The following THSD7A variants were observed in gnomAD, a reference collection of about 807,000 sequenced individuals.
THSD7A encodes the protein thrombospondin type 1 domain containing 7A, also known as thrombospondin type-1 domain-containing protein 7A.
In THSD7A, 96 loss-of-function variants were observed where a neutral mutation model predicts 231.3. That is an observed-to-expected ratio of 0.41 (90% CI 0.35 to 0.49). The LOEUF is 0.49. THSD7A is among the 20% of genes least tolerant of loss of function. The pLI, the probability that THSD7A is intolerant of heterozygous loss-of-function variation, is 0.05. For synonymous variants in THSD7A, 940 were observed against 743.3 expected (o/e 1.26, Z -4.30); for missense variants, 2,290 against 2,070.2 (o/e 1.11, Z -2.06).
intron 4 of THSD7A, among the ~76,000 whole-genome samples, chr7:11,549,135 TAACAA>T (rs1484600583): frequency 6.6e-6 from 1 of 152,058 alleles, no homozygotes; most frequent in Non-Finnish European, 1.5e-5. Flanking sequence ...CCAACAAACA[TAACAA>T]AAGTTTAACA....
At chr7:11,613,361 G>C (rs1780996778) in intron 2 of THSD7A, among the ~76,000 whole-genome samples, 1 of 152,204 alleles carries the variant, frequency 6.6e-6, no homozygotes, top group South Asian at 2.1e-4. Flanking sequence ...GAATCTCAGA[G>C]CAAAACATAC....
chr7:11,485,314 G>C (rs1157292720), intron 6 of THSD7A, among the ~76,000 whole-genome samples: 3 of 152,026 alleles, frequency 2.0e-5, no homozygotes, highest in Non-Finnish European at 4.4e-5. Flanking sequence ...TCTCTTGACA[G>C]GCAGGTATGT....
At chr7:11,595,097 C>G (rs895405943) in intron 2 of THSD7A, among the ~76,000 whole-genome samples, 1 of 152,192 alleles carries the variant, frequency 6.6e-6, no homozygotes, top group Non-Finnish European at 1.5e-5. Context: ...AAACCCTGCA[C>G]TGCCTGAGGC....
At chr7:11,489,370 C>A (rs1222936609) in intron 6 of THSD7A, among the ~76,000 whole-genome samples, 1 of 152,074 alleles carries the variant, frequency 6.6e-6, no homozygotes, top group Non-Finnish European at 1.5e-5. Context: ...CCCCTGACCT[C>A]TTTTTTCTTA....
chr7:11,683,542 T>G (rs1783948542), intron 1 of THSD7A, among the ~76,000 whole-genome samples: 1 of 151,840 alleles, frequency 6.6e-6, no homozygotes, highest in Admixed American at 6.6e-5. Flanking sequence ...AAAAATGACA[T>G]TACAACCAAT....
chr7:11,687,475 T>C (rs1780094125), intron 1 of THSD7A, among the ~76,000 whole-genome samples: 1 of 151,816 alleles, frequency 6.6e-6, no homozygotes, highest in African/African-American at 2.4e-5. Flanking sequence ...CTTCTGTGAA[T>C]ATGAGCTCAG....
intron 9 of THSD7A, among the ~76,000 whole-genome samples, chr7:11,465,428 A>G (rs1215153811): frequency 1.3e-5 from 2 of 152,164 alleles, no homozygotes; most frequent in Non-Finnish European, 2.9e-5. Context: ...CATCTAGCAA[A>G]TAATCATGTG....
In THSD7A at chr7:11,727,750, G is replaced by A. The variant is rs116361748; in HGVS notation, c.191-90789C>T. ...CAAAACAATAATTATAGGTATTCCC[G>A]TATCAATACGAATTGTTTATTCATA... On this transcript the variant is annotated intron_variant, in intron 1 of 27. Transcript: ENST00000423059. Among the ~76,000 whole-genome samples the A allele has an allele frequency of 5.9e-3, 891 of 151,980 alleles. 7 individuals carry two copies. Among genetic ancestry groups the A allele is most frequent in the African/African-American group, 0.021 (860 of 41,500 alleles).
intron 16 of THSD7A, among the ~76,000 whole-genome samples, chr7:11,422,110 C>T (rs565981249): frequency 6.6e-6 from 1 of 152,250 alleles, no homozygotes; most frequent in Admixed American, 6.5e-5. Flanking sequence ...AAGCCCATCA[C>T]AGGTGTGGTA....
At chr7:11,404,081 A>G (rs1390873159) in intron 22 of THSD7A, among the ~76,000 whole-genome samples, 3 of 152,062 alleles carry the variant, frequency 2.0e-5, no homozygotes, top group African/African-American at 7.3e-5. Flanking sequence ...TGTTTGCTCT[A>G]TGTTATCATG....
chr7:11,461,924 T>A, intron 10 of THSD7A, 87 bp downstream of exon 10: 1 of 1,508,188 alleles, frequency 6.6e-7, no homozygotes, highest in Non-Finnish European at 9.0e-7. Flanking sequence ...AGGAACAGTG[T>A]TGACTTCCTT....
intron 23 of THSD7A, among the ~76,000 whole-genome samples, chr7:11,395,768 C>T (rs1057132442): frequency 1.2e-4 from 18 of 152,042 alleles, no homozygotes; most frequent in African/African-American, 2.4e-4. Flanking sequence ...CCTTGTAATC[C>T]GCCCGCCTCG....
In THSD7A at chr7:11,484,840, C is replaced by A. The variant is rs532948034; in HGVS notation, c.1823-2858G>T. Among the ~76,000 whole-genome samples the A allele has an allele frequency of 2.3e-3, 329 of 146,012 alleles. 1 individual carries two copies. Among genetic ancestry groups the A allele is most frequent in the African/African-American group, 7.6e-3 (300 of 39,228 alleles). ...CCCCTGGAGTTTGCTGGAAATGCAG[C>A]CTCTCAGACTCAACCCACTGAATCA... On this transcript the variant is annotated intron_variant, in intron 6 of 27. Coordinates refer to ENST00000423059, the MANE Select transcript of THSD7A (RefSeq NM_015204.3).
intron 1 of THSD7A, among the ~76,000 whole-genome samples, chr7:11,736,552 AG>A (rs1781920823): frequency 6.6e-6 from 1 of 152,016 alleles, no homozygotes; most frequent in African/African-American, 2.4e-5. Context: ...TTTTATTTAT[AG>A]GACTATTTAA....
intron 1 of THSD7A, among the ~76,000 whole-genome samples, chr7:11,701,730 G>A (rs987711647): frequency 6.6e-6 from 1 of 151,102 alleles, no homozygotes; most frequent in Non-Finnish European, 1.5e-5. Flanking sequence ...GTTGATCCTT[G>A]AGCCACATTT....
At chr7:11,784,954 G>A (rs991642280) in intron 1 of THSD7A, among the ~76,000 whole-genome samples, 3 of 152,080 alleles carry the variant, frequency 2.0e-5, no homozygotes, top group African/African-American at 7.2e-5. Flanking sequence ...AGTAAACCTT[G>A]CACTTAAAGC....
At chr7:11,680,179 A>T (rs867392211) in intron 1 of THSD7A, among the ~76,000 whole-genome samples, 1 of 152,160 alleles carries the variant, frequency 6.6e-6, no homozygotes, top group Non-Finnish European at 1.5e-5. Context: ...CCCCTTCCTT[A>T]CACCTTATAC....
intron 3 of THSD7A, among the ~76,000 whole-genome samples, chr7:11,592,859 C>CT (rs947814036): frequency 3.1e-4 from 47 of 150,992 alleles, no homozygotes; most frequent in Non-Finnish European, 4.9e-4. Context: ...AACCTGCCAC[C>CT]TTTTTTTTTA....
In THSD7A at chr7:11,590,502, CGTTG is replaced by C; in HGVS notation, c.1407_1410del (p.Asn470LysfsTer7). On this transcript the variant is annotated frameshift_variant, in exon 4 of 28. Coordinates refer to ENST00000423059, the MANE Select transcript of THSD7A (RefSeq NM_015204.3). LOFTEE classifies it high-confidence loss of function. This position sits in a 1 kb window ranked among gnomAD's most constrained non-coding sequence, Gnocchi z 4.4. Reference sequence around the variant, plus strand: ...GTACTTAATTGTGAGAGGAGGTTTTCGTTGGCCTGCACGCAGTACACCTCTCGGG... The same window carrying C: ...GTACTTAATTGTGAGAGGAGGTTTTCGCCTGCACGCAGTACACCTCTCGGG... 1 of 1,612,930 alleles carries C rather than the reference CGTTG, an allele frequency of 6.2e-7. No individual in the cohort carries two copies. The highest frequency in any genetic ancestry group is 8.5e-7 in the Non-Finnish European group (1 of 1,179,548).
Sources: gnomAD v4.1 joint callset for allele counts (sites outside exome capture counted in the v4.1 genomes callset) on GRCh38, gnomAD v4.1.1 for gene constraint, Gnocchi (gnomAD v3.1) non-coding constraint, MANE v1.5 for transcripts, NCBI Gene and HGNC (gene_info 2026-07-23, HGNC 2026-07-21) for gene names.